The following RNF10 variants were observed in gnomAD, a reference collection of about 807,000 sequenced individuals.
RNF10 encodes the protein E3 ubiquitin-protein ligase RNF10.
Under a neutral mutation model 91.4 loss-of-function variants are expected in RNF10, and 38 were observed. That is an observed-to-expected ratio of 0.42 (90% CI 0.32 to 0.54). RNF10 has a LOEUF of 0.54. Ranked by LOEUF, RNF10 falls within the 20% of genes least tolerant of loss-of-function variation. The pLI, the probability that RNF10 is intolerant of heterozygous loss-of-function variation, is 0.16. For synonymous variants in RNF10, 364 were observed against 366.3 expected, an observed-to-expected ratio of 0.99 and a Z score of 0.07; for missense variants, 945 against 1,012.0, an observed-to-expected ratio of 0.93 and a Z score of 0.90.
intron 1 of RNF10, among the ~76,000 whole-genome samples, chr12:120,536,336 A>T (rs1870790654): frequency 6.6e-6 from 1 of 152,082 alleles, no homozygotes; most frequent in Non-Finnish European, 1.5e-5. Flanking sequence ...AGGTGGGAGG[A>T]TCGCTTAAGC....
intron 1 of RNF10, among the ~76,000 whole-genome samples, chr12:120,536,374 A>G (rs955916559): frequency 1.3e-5 from 2 of 152,212 alleles, no homozygotes; most frequent in African/African-American, 4.8e-5. Flanking sequence ...GCGGTGAGCT[A>G]TATCACGATA....
intron 7 of RNF10, among the ~76,000 whole-genome samples, chr12:120,562,661 T>TAAA (rs1875058075): frequency 6.6e-6 from 1 of 152,178 alleles, no homozygotes; most frequent in South Asian, 2.1e-4. Flanking sequence ...TTTCTGTCTT[T>TAAA]AGGTCTTTGA....
At chr12:120,550,569 G>A (rs1297693525) in intron 2 of RNF10, among the ~76,000 whole-genome samples, 2 of 151,938 alleles carry the variant, frequency 1.3e-5, no homozygotes, top group Non-Finnish European at 2.9e-5. Flanking sequence ...CAAACAGAAT[G>A]TGGAGAATGT....
intron 1 of RNF10, chr12:120,539,297 C>T: frequency 2.7e-6 from 2 of 738,524 alleles, no homozygotes; most frequent in South Asian, 1.4e-5. Flanking sequence ...TGTATAATCA[C>T]ACTTAGCAAG....
intron 12 of RNF10, 89 bp from the exon 13 acceptor site, chr12:120,566,736 T>G: frequency 8.2e-7 from 1 of 1,220,442 alleles, no homozygotes; most frequent in Non-Finnish European, 1.2e-6. Context: ...CACTCCAGCC[T>G]GGGTGACAGA....
chr12:120,563,166 G>A, intron 8 of RNF10, 96 bp downstream of exon 8: 1 of 1,566,566 alleles, frequency 6.4e-7, no homozygotes, highest in Non-Finnish European at 8.8e-7. Flanking sequence ...CTCAAGAGAA[G>A]AGGGGACAAT....
In RNF10 at chr12:120,577,147, G is replaced by A; in HGVS notation, c.*481G>A. 2.2e-6 allele frequency: 1 copy of A among 446,298 alleles called. No homozygotes were observed. The highest frequency in any genetic ancestry group is 2.5e-5 in the Admixed American group (1 of 40,176). The allele number at this position is 446,298 out of a possible 1,614,324, so 27.6% of individuals were successfully genotyped here. On this transcript the variant is annotated 3_prime_UTR_variant, in exon 17 of 17. Coordinates refer to ENST00000325954, the MANE Select transcript of RNF10 (RefSeq NM_014868.5). ...CTCCTTGTTAAAGAAACAGGGGTGG[G>A]AATAAAATGGATTTAGGACACCCAG...
intron 1 of RNF10, chr12:120,539,286 T>C: frequency 1.5e-6 from 1 of 654,870 alleles, no homozygotes; most frequent in Non-Finnish European, 2.4e-6. Context: ...TCAATAAGCT[T>C]TGTATAATCA....
chr12:120,568,695 C>G (rs113724341), intron 13 of RNF10, among the ~76,000 whole-genome samples: 1 of 151,768 alleles, frequency 6.6e-6, no homozygotes, highest in Non-Finnish European at 1.5e-5. Flanking sequence ...AGGCTGGTCT[C>G]GAACTCCTGG....
chr12:120,563,999 T>C (rs1565965204), intron 10 of RNF10, 56 bp downstream of exon 10: 2 of 1,602,738 alleles, frequency 1.2e-6, no homozygotes, highest in East Asian at 4.5e-5. Context: ...CTAATCTCTT[T>C]GAGGTAGGCC....
chr12:120,575,184 C>CA (rs1385156715), intron 14 of RNF10: 2 of 164,218 alleles, frequency 1.2e-5, no homozygotes, highest in Admixed American at 5.8e-5. Flanking sequence ...CACAGTGAGC[C>CA]AATATTGTGC....
At chr12:120,564,072 A>G in intron 10 of RNF10, 129 bp downstream of exon 10, 1 of 998,460 alleles carries the variant, frequency 1.0e-6, no homozygotes, top group African/African-American at 1.6e-5. Flanking sequence ...TCTTTCTGTC[A>G]GTGATGGTGC....
chr12:120,576,230 A>G (rs1942081785), intron 16 of RNF10, among the ~76,000 whole-genome samples: 1 of 152,214 alleles, frequency 6.6e-6, no homozygotes, highest in African/African-American at 2.4e-5. Context: ...TTGAGTTGGT[A>G]CAGGGTGGCT....
intron 13 of RNF10, among the ~76,000 whole-genome samples, chr12:120,569,591 G>C (rs1876305664): frequency 7.7e-6 from 1 of 129,894 alleles, no homozygotes; most frequent in Non-Finnish European, 1.6e-5. Flanking sequence ...GAGTGCAGTG[G>C]CACAAGGCAC....
intron 13 of RNF10, among the ~76,000 whole-genome samples, chr12:120,568,214 T>C (rs1270432834): frequency 6.6e-6 from 1 of 151,502 alleles, no homozygotes; most frequent in East Asian, 1.9e-4. Context: ...CACTGCACTC[T>C]AGCCTGGGCA....
In RNF10 at chr12:120,540,016, G is replaced by A. The variant is rs1871327730; in HGVS notation, c.157+5048G>A. 2.6e-5 allele frequency among the ~76,000 whole-genome samples: 4 copies of A among 151,234 alleles called. No homozygotes were observed. In the Admixed American group the frequency reaches 2.6e-4, roughly 10 times the overall value. On this transcript the variant is annotated intron_variant, in intron 1 of 16. Coordinates refer to ENST00000325954, the MANE Select transcript of RNF10 (RefSeq NM_014868.5). ...CACCGGCCTAATTTTTGTATTTTTAGTAGAGATGGGTTTCGCCATGTTGGC... is the reference window on the plus strand; with the variant it reads ...CACCGGCCTAATTTTTGTATTTTTAATAGAGATGGGTTTCGCCATGTTGGC...
At chr12:120,564,044 T>C in intron 10 of RNF10, 101 bp downstream of exon 10, 2 of 1,332,162 alleles carry the variant, frequency 1.5e-6, no homozygotes, top group East Asian at 4.6e-5. Context: ...TCAAGGCCTT[T>C]AGTTTTTGTA....
intron 14 of RNF10, chr12:120,574,447 C>G (rs1203815320): frequency 1.1e-5 from 5 of 455,974 alleles, no homozygotes; most frequent in South Asian, 4.6e-5. Context: ...GAGGATTGTT[C>G]TGATTTTATT....
At position 120,576,715 on chromosome 12, in the gene RNF10, T is replaced by C. The variant is rs758586614; in HGVS notation, c.*49T>C. On this transcript the variant is annotated 3_prime_UTR_variant, in exon 17 of 17. Transcript: ENST00000325954. ...TCCATCTGGTTTTTGTTTTTGTTTT[T>C]TTTTCCCCCATGCTTTTGTTTGGCT... is the stretch of plus-strand genomic sequence containing the variant. 3 of 1,593,300 alleles carry C rather than the reference T, an allele frequency of 1.9e-6. No individual in the cohort carries two copies. The highest frequency in any genetic ancestry group is 4.5e-5 in the East Asian group (2 of 44,730).
Sources: allele counts gnomAD v4.1 joint callset (sites outside exome capture counted in the v4.1 genomes callset), GRCh38; gene constraint gnomAD v4.1.1; transcripts MANE v1.5; gene names NCBI Gene and HGNC (gene_info 2026-07-23, HGNC 2026-07-21).